The following ARID1A variants were observed in gnomAD, a reference collection of about 807,000 sequenced individuals.
ARID1A encodes AT-rich interaction domain 1A, also known as AT-rich interactive domain-containing protein 1A.
Under a neutral mutation model 212.6 loss-of-function variants are expected in ARID1A, and 20 were observed. That is an observed-to-expected ratio of 0.09 (90% CI 0.07 to 0.14). The LOEUF is 0.14. Among genes scored for constraint, ARID1A ranks in the 10% least tolerant of loss-of-function variants. The pLI, the probability that ARID1A is intolerant of heterozygous loss-of-function variation, is 1.00. For synonymous variants in ARID1A, 1,376 were observed against 1,222.1 expected, an observed-to-expected ratio of 1.13 and a Z score of -2.63; for missense variants, 2,587 against 3,059.0, an observed-to-expected ratio of 0.85 and a Z score of 3.64.
intron 4 of ARID1A, among the ~76,000 whole-genome samples, chr1:26,759,756 A>C (rs2080973949): frequency 6.6e-6 from 1 of 152,210 alleles, no homozygotes; most frequent in African/African-American, 2.4e-5. Context: ...AAAGCCTACA[A>C]ACAAATACCA....
intron 8 of ARID1A, among the ~76,000 whole-genome samples, chr1:26,764,081 T>G (rs1005897794): frequency 1.4e-4 from 21 of 152,264 alleles, no homozygotes; most frequent in Non-Finnish European, 2.6e-4. Flanking sequence ...CCAATTGTCC[T>G]GCCTCAGCCT....
chr1:26,780,863 C>G lies in ARID1A; in HGVS notation c.*107C>G. On this transcript the variant is annotated 3_prime_UTR_variant, in exon 20 of 20. Coordinates refer to ENST00000324856, the MANE Select transcript of ARID1A (RefSeq NM_006015.6). This position sits in a 1 kb window ranked among gnomAD's most constrained non-coding sequence, Gnocchi z 7.2. Reference sequence around the variant, plus strand: ...AAAACCACCTCAGAATCCAGTTTACCCTGTGCTGTCCAGCTTCTCCCTTGG... The same window carrying G: ...AAAACCACCTCAGAATCCAGTTTACGCTGTGCTGTCCAGCTTCTCCCTTGG... The G allele has an allele frequency of 7.0e-7, 1 of 1,423,346 alleles. No individual in the cohort carries two copies. The highest frequency in any genetic ancestry group is 2.3e-5 in the East Asian group (1 of 43,250). 88.2% of individuals were successfully genotyped at this position (1,423,346 alleles called of 1,614,324 possible).
chr1:26,726,164 G>GTT (rs1384858724), intron 1 of ARID1A, among the ~76,000 whole-genome samples: 8 of 122,388 alleles, frequency 6.5e-5, no homozygotes, highest in East Asian at 2.6e-4. Flanking sequence ...CCTTGGGTTT[G>GTT]TTTTTTTTTG....
intron 8 of ARID1A, among the ~76,000 whole-genome samples, chr1:26,763,850 A>G (rs988705202): frequency 6.6e-6 from 1 of 152,204 alleles, no homozygotes; most frequent in African/African-American, 2.4e-5. Context: ...TTGCAGTGGC[A>G]TGACCACAGT....
intron 1 of ARID1A, among the ~76,000 whole-genome samples, chr1:26,702,637 G>A (rs867401964): frequency 6.6e-6 from 1 of 152,168 alleles, no homozygotes; most frequent in Admixed American, 6.5e-5. Flanking sequence ...GATAATGCTA[G>A]CCTCCTCATG....
intron 18 of ARID1A, 134 bp from the exon 19 acceptor site, chr1:26,775,443 G>A: frequency 7.1e-7 from 1 of 1,414,138 alleles, no homozygotes; most frequent in Non-Finnish European, 9.4e-7. Flanking sequence ...AGGGGCTGGT[G>A]TGTTTCATCT....
chr1:26,775,170 C>T lies in ARID1A; in HGVS notation c.4943C>T (p.Ala1648Val). ...DITFPPGSVE[A>V]TQPVLKQRRR... ...ACCTTCCCACCTGGCTCTGTTGAAGCCACACAGCCTGTGTTGAAGCAGAGG... is the reference window on the plus strand; with the variant it reads ...ACCTTCCCACCTGGCTCTGTTGAAGTCACACAGCCTGTGTTGAAGCAGAGG... Residue 1648 changes from alanine to valine, a missense_variant, in exon 18 of 20, where the codon GCC becomes GTC. Around this residue, in one of 11 missense-constraint regions of ARID1A, gnomAD observed 890 missense variants for 1,098.2 expected, o/e 0.81. Coordinates refer to ENST00000324856, the MANE Select transcript of ARID1A (RefSeq NM_006015.6). The T allele has an allele frequency of 6.2e-7, 1 of 1,609,740 alleles. No individual in the cohort carries two copies. The highest frequency in any genetic ancestry group is 8.5e-7 in the Non-Finnish European group (1 of 1,178,454).
At chr1:26,757,965 A>G (rs2080957620) in intron 4 of ARID1A, among the ~76,000 whole-genome samples, 2 of 152,212 alleles carry the variant, frequency 1.3e-5, no homozygotes, top group Non-Finnish European at 2.9e-5. Context: ...AGCGATTTGA[A>G]CTGAACCAAG....
Position 26,772,275 on chromosome 1 carries a change from A to G in ARID1A, c.3407-225A>G. ...ACCAGCATGGTGATGTCATGGCCAC[A>G]TCACTCCTCTTTTCTACACGTAAAA... On this transcript the variant is annotated intron_variant, in intron 12 of 19. Coordinates refer to ENST00000324856, the MANE Select transcript of ARID1A (RefSeq NM_006015.6). The G allele has an allele frequency of 8.3e-6, 5 of 599,168 alleles. No individual in the cohort carries two copies. The South Asian group carries it at 8.7e-5, about 10-fold the overall frequency. 37.1% of individuals were successfully genotyped at this position (599,168 alleles called of 1,614,324 possible). A position where few individuals can be genotyped will look rare whatever the true frequency, so the allele number is the denominator to read the frequency against.
At position 26,696,653 on chromosome 1, in the gene ARID1A, G is replaced by GGCGGCGGCGGAGCCGGCA. The variant is rs749452696; in HGVS notation, c.261_278dup (p.Ala88_Gly93dup). 139 of 1,314,154 alleles carry GGCGGCGGCGGAGCCGGCA rather than the reference G, an allele frequency of 1.1e-4. No homozygotes were observed. Among genetic ancestry groups the GGCGGCGGCGGAGCCGGCA allele is most frequent in the African/African-American group, 1.9e-4 (12 of 64,666 alleles). The allele number at this position is 1,314,154 out of a possible 1,614,324, so 81.4% of individuals were successfully genotyped here. On this transcript the variant is annotated inframe_insertion, in exon 1 of 20. Transcript: ENST00000324856. ...CGGGGCCGAGAGCAATGGGGGTGGCGGCGGCGGCGGAGCCGGCAGCGGCGG... is the reference window on the plus strand; with the variant it reads ...CGGGGCCGAGAGCAATGGGGGTGGCGGCGGCGGCGGAGCCGGCAGCGGCGGCGGAGCCGGCAGCGGCGG...
At chr1:26,729,532 T>C (rs1040333734) in intron 1 of ARID1A, 119 bp from the exon 2 acceptor site, 9 of 1,203,156 alleles carry the variant, frequency 7.5e-6, no homozygotes, top group Non-Finnish European at 1.1e-5. Flanking sequence ...CATTGCTCTT[T>C]CAAAGTAACT....
intron 4 of ARID1A, chr1:26,753,170 A>G (rs1446513939): frequency 6.6e-6 from 1 of 152,230 alleles, no homozygotes; most frequent in African/African-American, 2.4e-5. Context: ...TGGGCAGCCA[A>G]TTCATCTTAG....
intron 1 of ARID1A, among the ~76,000 whole-genome samples, chr1:26,728,563 C>G (rs558569867): frequency 1.8e-4 from 28 of 152,314 alleles, no homozygotes; most frequent in African/African-American, 6.7e-4. Context: ...ACAAGCCTTT[C>G]AAGTGATTCT....
chr1:26,711,513 A>G (rs1200373170), intron 1 of ARID1A, among the ~76,000 whole-genome samples: 1 of 152,166 alleles, frequency 6.6e-6, no homozygotes. Context: ...CCCACCTCCT[A>G]TTAATAATAC....
chr1:26,745,332 A>C (rs191942631), intron 4 of ARID1A, among the ~76,000 whole-genome samples: 23 of 152,302 alleles, frequency 1.5e-4, no homozygotes, highest in African/African-American at 5.1e-4. Context: ...GCACCCAGTT[A>C]AGTGGAGGAT....
At chr1:26,710,955 C>T (rs536872592) in intron 1 of ARID1A, among the ~76,000 whole-genome samples, 10 of 152,288 alleles carry the variant, frequency 6.6e-5, no homozygotes, top group African/African-American at 2.4e-4. Context: ...CAAACATTTA[C>T]TACTTGAAGT....
chr1:26,747,021 A>G (rs1029439573), intron 4 of ARID1A, among the ~76,000 whole-genome samples: 8 of 152,176 alleles, frequency 5.3e-5, no homozygotes, highest in African/African-American at 1.9e-4. Flanking sequence ...CAGCCTGGTG[A>G]CAGAGTAAGA....
chr1:26,756,248 C>CA (rs1028507556), intron 4 of ARID1A, among the ~76,000 whole-genome samples: 12 of 151,440 alleles, frequency 7.9e-5, no homozygotes, highest in Non-Finnish European at 1.5e-4. Flanking sequence ...CCCATCTCTA[C>CA]AAAAAAATTT....
intron 4 of ARID1A, among the ~76,000 whole-genome samples, chr1:26,756,671 G>A (rs902241107): frequency 3.3e-5 from 5 of 150,990 alleles, no homozygotes; most frequent in African/African-American, 9.7e-5. Flanking sequence ...CAGCCATGGG[G>A]CACTTTGGCT....
Sources: gnomAD v4.1 joint callset for allele counts (sites outside exome capture counted in the v4.1 genomes callset) on GRCh38, gnomAD v4.1.1 for gene constraint, gnomAD v4.1.1 regional missense constraint, Gnocchi (gnomAD v3.1) non-coding constraint, MANE v1.5 for transcripts, NCBI Gene and HGNC (gene_info 2026-07-23, HGNC 2026-07-21) for gene names.